Variants in RASGRP3 observed in about 807,000 individuals in gnomAD.
The protein encoded by RASGRP3 is ras guanyl-releasing protein 3.
Under a neutral mutation model 82.7 loss-of-function variants are expected in RASGRP3, and 54 were observed. That is an observed-to-expected ratio of 0.65 (90% CI 0.52 to 0.82). The LOEUF is 0.82. Among genes scored for constraint, RASGRP3 ranks in the 40% least tolerant of loss-of-function variants. RASGRP3 has a pLI of 0.00. For synonymous variants in RASGRP3, 309 were observed against 300.5 expected, an observed-to-expected ratio of 1.03 and a Z score of -0.29; for missense variants, 861 against 828.9, an observed-to-expected ratio of 1.04 and a Z score of -0.48.
At chr2:33,494,661 C>T (rs2150965827) in intron 1 of RASGRP3, among the ~76,000 whole-genome samples, 1 of 152,306 alleles carries the variant, frequency 6.6e-6, no homozygotes, top group East Asian at 1.9e-4. Context: ...CGAATAGGTA[C>T]ATATTTTTTT....
chr2:33,513,126 G>A (rs1671095709), intron 2 of RASGRP3, among the ~76,000 whole-genome samples: 1 of 152,202 alleles, frequency 6.6e-6, no homozygotes. Context: ...CATTTCAGCA[G>A]CAGAATTGGG....
intron 4 of RASGRP3, among the ~76,000 whole-genome samples, chr2:33,518,090 CACATA>C (rs1671632422): frequency 6.6e-6 from 1 of 152,192 alleles, no homozygotes. Flanking sequence ...CATACAGTTA[CACATA>C]ACATAACGAC....
chr2:33,437,255 T>C (rs1664977805), intron 1 of RASGRP3, among the ~76,000 whole-genome samples: 1 of 152,162 alleles, frequency 6.6e-6, no homozygotes, highest in Non-Finnish European at 1.5e-5. Flanking sequence ...CCTTGAAAAA[T>C]GTCACTGGGT....
Position 33,450,818 on chromosome 2 carries a change from C to CTTT in RASGRP3, c.-261+2876_-261+2878dup, listed in dbSNP as rs879744839. 4.5e-3 allele frequency among the ~76,000 whole-genome samples: 194 copies of CTTT among 43,354 alleles called. 14 individuals carry two copies. The highest frequency in any genetic ancestry group is 7.3e-3 in the Admixed American group (22 of 3,034). 28.4% of individuals were successfully genotyped at this position (43,354 alleles called of 152,430 possible). A position where few individuals can be genotyped will look rare whatever the true frequency, so the allele number is the denominator to read the frequency against. On this transcript the variant is annotated intron_variant, in intron 2 of 18. Transcript: ENST00000402538. ...CTTTTCTTTCTTTTTCTCTTTCTTT[C>CTTT]TTTCTTTTTTTTTTTTTTTTTTTTT...
chr2:33,465,969 C>CAA (rs60914898), intron 2 of RASGRP3, among the ~76,000 whole-genome samples: 3 of 130,408 alleles, frequency 2.3e-5, no homozygotes, highest in Admixed American at 8.0e-5. Context: ...ACTTACTGCT[C>CAA]AAAAAAAAAA....
chr2:33,466,348 C>T (rs1666692322), intron 2 of RASGRP3, among the ~76,000 whole-genome samples: 1 of 152,122 alleles, frequency 6.6e-6, no homozygotes. Context: ...AAGAAGTTTA[C>T]CCCAACCCTC....
intron 11 of RASGRP3, among the ~76,000 whole-genome samples, chr2:33,536,914 T>C (rs1008190098): frequency 1.3e-5 from 2 of 152,184 alleles, no homozygotes; most frequent in African/African-American, 4.8e-5. Context: ...AGGGGTGTGT[T>C]ACAGTTAATG....
intron 9 of RASGRP3, among the ~76,000 whole-genome samples, chr2:33,525,817 C>T (rs1477679581): frequency 6.6e-6 from 1 of 151,526 alleles, no homozygotes. Flanking sequence ...TTTGAGGCTG[C>T]AGTGAGCCAG....
At chr2:33,525,053 C>A (rs1010367533) in intron 9 of RASGRP3, among the ~76,000 whole-genome samples, 2 of 148,482 alleles carry the variant, frequency 1.3e-5, no homozygotes, top group Admixed American at 6.8e-5. Context: ...TGCACTCCAA[C>A]CTGGGCGATA....
intron 1 of RASGRP3, among the ~76,000 whole-genome samples, chr2:33,511,023 A>G (rs1195146037): frequency 2.6e-5 from 4 of 152,222 alleles, no homozygotes; most frequent in South Asian, 4.1e-4. Context: ...CTTTTGCTAC[A>G]AGAACATATT....
chr2:33,463,492 G>A (rs1666495146), intron 2 of RASGRP3, among the ~76,000 whole-genome samples: 1 of 151,884 alleles, frequency 6.6e-6, no homozygotes. Context: ...CTGGAAATTT[G>A]GGAGTTTCTC....
intron 15 of RASGRP3, among the ~76,000 whole-genome samples, chr2:33,555,787 A>C: frequency 6.6e-6 from 1 of 152,204 alleles, no homozygotes; most frequent in East Asian, 1.9e-4. Context: ...TTATCAACAC[A>C]CATAAATCTA....
chr2:33,438,517 G>A (rs184663071), intron 1 of RASGRP3, among the ~76,000 whole-genome samples: 13 of 150,274 alleles, frequency 8.7e-5, no homozygotes, highest in African/African-American at 2.7e-4. Context: ...AGCCGGGATC[G>A]CGCCACTGCC....
chr2:33,534,287 A>G, intron 10 of RASGRP3, 36 bp from the exon 11 acceptor site: 1 of 1,373,964 alleles, frequency 7.3e-7, no homozygotes. Flanking sequence ...AAATAAATGT[A>G]ATCCGACATT....
chr2:33,515,629 GGTCTTTTGACTCA>G (rs896717557), intron 3 of RASGRP3, among the ~76,000 whole-genome samples: 2 of 152,008 alleles, frequency 1.3e-5, no homozygotes, highest in African/African-American at 4.8e-5. Flanking sequence ...ATTGTTTCTT[GGTCTTTTGACTCA>G]GTCTTTTGAC....
chr2:33,535,555 G>GC (rs11379834), intron 11 of RASGRP3, among the ~76,000 whole-genome samples: 20,798 of 152,270 alleles, frequency 0.14, 1,759 homozygotes, highest in Admixed American at 0.18. Flanking sequence ...GGCAGTGAGA[G>GC]CCGTCCTCTG....
chr2:33,474,482 T>C (rs1037592589), upstream of RASGRP3, among the ~76,000 whole-genome samples: 1 of 152,152 alleles, frequency 6.6e-6, no homozygotes, highest in African/African-American at 2.4e-5. Flanking sequence ...TTTGTATTTT[T>C]AGTAGAGACA....
Position 33,534,514 on chromosome 2 carries a change from G to T in RASGRP3, c.1161+114G>T. ...CTAAAACGGAAGAATTTTAAAAATT[G>T]ACATTATTCTTTCTTTTTCTTTTTT... On this transcript the variant is annotated intron_variant, in intron 11 of 17. Transcript: ENST00000403687. The T allele has an allele frequency of 3.9e-6, 3 of 760,980 alleles. No homozygotes were observed. In the East Asian group the frequency reaches 8.1e-5, roughly 21 times the overall value. The allele number at this position is 760,980 out of a possible 1,614,324, so 47.1% of individuals were successfully genotyped here. A position where few individuals can be genotyped will look rare whatever the true frequency, so the allele number is the denominator to read the frequency against.
intron 1 of RASGRP3, among the ~76,000 whole-genome samples, chr2:33,443,934 A>T (rs529164672): frequency 1.3e-5 from 2 of 152,292 alleles, no homozygotes; most frequent in African/African-American, 4.8e-5. Context: ...AATGTGACCT[A>T]CATAGTTCAT....
Sources: gnomAD v4.1 joint callset for allele counts (sites outside exome capture counted in the v4.1 genomes callset) on GRCh38, gnomAD v4.1.1 for gene constraint, MANE v1.5 for transcripts, NCBI Gene and HGNC (gene_info 2026-07-23, HGNC 2026-07-21) for gene names.